Variants in CD72 observed in about 807,000 individuals in gnomAD.
The protein encoded by CD72 is B-cell differentiation antigen CD72.
A neutral mutation model predicts 50.7 loss-of-function variants in CD72; 28 were observed. The observed-to-expected ratio is 0.55, with a 90% CI of 0.41 to 0.76. The LOEUF is 0.76. Ranked by LOEUF, CD72 falls within the 30% of genes least tolerant of loss-of-function variation. CD72 has a pLI of 0.00. For synonymous variants in CD72, 176 were observed against 171.2 expected (o/e 1.03, Z -0.22); for missense variants, 403 against 420.6 (o/e 0.96, Z 0.37).
intron 1 of CD72, chr9:35,646,243 G>GTCCCTA (rs1374012031): frequency 6.6e-6 from 1 of 152,188 alleles, no homozygotes; most frequent in Admixed American, 6.5e-5. Flanking sequence ...TTTTCAATGT[G>GTCCCTA]TCCCTATCCT....
chr9:35,626,857 CT>C (rs950823397), intron 1 of CD72, among the ~76,000 whole-genome samples: 1,585 of 147,208 alleles, frequency 0.011, 20 homozygotes, highest in African/African-American at 0.035. Flanking sequence ...ATAAACATTA[CT>C]TTTTTTTTTT....
rs1330138133 is a variant in CD72, at chr9:35,617,986, A to G, written c.190+28T>C. ...CCAGCTCAAGACACAGCCCCCCAAC[A>G]AACACACATCCCCCAGGCTCTCCAG... On this transcript the variant is annotated intron_variant, in intron 2 of 8. Transcript: ENST00000259633. 2.2e-6 allele frequency: 3 copies of G among 1,359,730 alleles called. No homozygotes were observed. In the South Asian group the frequency reaches 3.5e-5, roughly 16 times the overall value. 84.2% of individuals were successfully genotyped at this position (1,359,730 alleles called of 1,614,324 possible).
intron 1 of CD72, among the ~76,000 whole-genome samples, chr9:35,628,510 A>G (rs1024317063): frequency 2.0e-5 from 3 of 152,236 alleles, no homozygotes; most frequent in South Asian, 2.1e-4. Flanking sequence ...AACACAAGAC[A>G]TAAGTGGATC....
intron 1 of CD72, among the ~76,000 whole-genome samples, chr9:35,632,271 G>A (rs975680596): frequency 2.0e-5 from 3 of 150,896 alleles, no homozygotes; most frequent in Admixed American, 6.6e-5. Flanking sequence ...TCCGTCTTCC[G>A]GGTTCACGCC....
chr9:35,621,936 C>G (rs1823149728), upstream of CD72, among the ~76,000 whole-genome samples: 2 of 152,170 alleles, frequency 1.3e-5, no homozygotes, highest in South Asian at 4.1e-4. Context: ...CTGTGTCGAC[C>G]TGATCTCCAC....
At chr9:35,612,027 T>C (rs973958599) in intron 6 of CD72, 108 bp from the exon 7 acceptor site, 3 of 644,838 alleles carry the variant, frequency 4.7e-6, no homozygotes, top group South Asian at 1.8e-5. Flanking sequence ...GCTGTATATA[T>C]GACAGCTCTT....
At chr9:35,626,558 C>T (rs759002257) in intron 1 of CD72, among the ~76,000 whole-genome samples, 5 of 152,204 alleles carry the variant, frequency 3.3e-5, no homozygotes, top group Non-Finnish European at 7.3e-5. Flanking sequence ...TGCTACCAAA[C>T]ATTGCATGCT....
chr9:35,638,434 G>C (rs527653808), intron 1 of CD72, among the ~76,000 whole-genome samples: 42 of 152,144 alleles, frequency 2.8e-4, no homozygotes, highest in Middle Eastern at 3.4e-3. Context: ...ACCCAGTCTG[G>C]CTTACAGTTT....
At chr9:35,619,449 GC>G (rs781683787), upstream of CD72, 1 of 152,322 alleles carries the variant, frequency 6.6e-6, no homozygotes, top group Non-Finnish European at 1.5e-5. Context: ...AGTGACATCC[GC>G]CCCGCAGAAT....
rs1032515389 is a variant in CD72, at chr9:35,616,644, G to A, written c.308C>T (p.Thr103Ile). The part of the protein sequence containing the change: ...LRYLLLGLLL[T>I]CLLLGVTAIC... ...GGCGGTCACTCCTAACAGCAGGCAG[G>A]TGAGGAGCAGGCCGAGCAGGAGGTA... is the stretch of plus-strand genomic sequence containing the variant. Residue 103 changes from threonine (T) to isoleucine (I), a missense_variant, in exon 4 of 9, where the codon ACC (threonine) becomes ATC (isoleucine). Thr to Ile is a moderately conservative substitution (Grantham distance 89, BLOSUM62 -1). Coordinates refer to ENST00000259633, the MANE Select transcript of CD72 (RefSeq NM_001782.3). 4 of 1,613,950 alleles carry A rather than the reference G, an allele frequency of 2.5e-6. No individual in the cohort carries two copies. The African/African-American group carries it at 5.3e-5, about 22-fold the overall frequency.
chr9:35,623,547 C>T (rs141262058), upstream of CD72, among the ~76,000 whole-genome samples: 1 of 152,234 alleles, frequency 6.6e-6, no homozygotes, highest in East Asian at 1.9e-4. Flanking sequence ...CAGGCAAACC[C>T]CTGCTGATGA....
At chr9:35,638,029 A>G (rs1429682510) in intron 1 of CD72, among the ~76,000 whole-genome samples, 2 of 152,132 alleles carry the variant, frequency 1.3e-5, no homozygotes, top group African/African-American at 4.8e-5. Context: ...ACTTGGCCCC[A>G]ATACAAACTC....
At chr9:35,636,639 C>T (rs1047256653) in intron 1 of CD72, among the ~76,000 whole-genome samples, 9 of 152,328 alleles carry the variant, frequency 5.9e-5, no homozygotes, top group Admixed American at 2.6e-4. Context: ...AGACCCTCTT[C>T]ACCTATAAGT....
intron 1 of CD72, chr9:35,642,380 T>C (rs1823348467): frequency 6.6e-6 from 1 of 152,238 alleles, no homozygotes; most frequent in African/African-American, 2.4e-5. Flanking sequence ...GTGAGTATGC[T>C]GTTTACATCA....
intron 1 of CD72, among the ~76,000 whole-genome samples, chr9:35,626,803 T>G (rs1823200132): frequency 6.6e-6 from 1 of 152,220 alleles, no homozygotes; most frequent in Non-Finnish European, 1.5e-5. Flanking sequence ...ACATTGTTTT[T>G]TAAGGTATAA....
Position 35,616,708 on chromosome 9 carries a change from T to C in CD72, c.263-19A>G. 5.0e-6 allele frequency: 8 copies of C among 1,595,670 alleles called. No individual in the cohort carries two copies. The highest frequency in any genetic ancestry group is 6.9e-6 in the Non-Finnish European group (8 of 1,164,840). ...GTGCGGCCTTAGGGGGACAGTGGGA[T>C]GGATGAGGGCAGTCAGCCCCCGTAA... is the stretch of plus-strand genomic sequence containing the variant. On this transcript the variant is annotated intron_variant, in intron 3 of 8. Transcript: ENST00000259633.
At chr9:35,622,792 AAATAAT>A (rs768466813), upstream of CD72, among the ~76,000 whole-genome samples, 34 of 150,760 alleles carry the variant, frequency 2.3e-4, no homozygotes, top group East Asian at 5.8e-4. Flanking sequence ...GTCTCAAAAA[AAATAAT>A]AATAATAATA....
At chr9:35,627,246 T>C (rs1823203865) in intron 1 of CD72, among the ~76,000 whole-genome samples, 1 of 151,788 alleles carries the variant, frequency 6.6e-6, no homozygotes, top group Admixed American at 6.6e-5. Context: ...TGTCTCACCC[T>C]TCCAAGTAGC....
upstream of CD72, among the ~76,000 whole-genome samples, chr9:35,619,281 G>A (rs1823119485): frequency 6.6e-6 from 1 of 152,170 alleles, no homozygotes; most frequent in Admixed American, 6.5e-5. Flanking sequence ...CCAGTTGGGG[G>A]AAAGGGGGCT....
Sources: gnomAD v4.1 joint callset for allele counts (sites outside exome capture counted in the v4.1 genomes callset) on GRCh38, gnomAD v4.1.1 for gene constraint, MANE v1.5 for transcripts, NCBI Gene and HGNC (gene_info 2026-07-23, HGNC 2026-07-21) for gene names.